PLSCR2: variants seen among roughly 807,000 people sequenced by gnomAD.
The protein encoded by PLSCR2 is PL scramblase 2.
In PLSCR2, 18 loss-of-function variants were observed where a neutral mutation model predicts 25.3. That is an observed-to-expected ratio of 0.71 (90% CI 0.49 to 1.06). PLSCR2 has a LOEUF of 1.06. Among genes scored for constraint, PLSCR2 ranks in the 50% least tolerant of loss-of-function variants. The pLI is 0.00. For missense variants in PLSCR2, 243 were observed against 269.5 expected (o/e 0.90, Z 0.69); for synonymous variants, 88 against 87.3 (o/e 1.01, Z -0.04).
chr3:146,462,168 A>T (rs2041618471), upstream of PLSCR2, among the ~76,000 whole-genome samples: 1 of 151,948 alleles, frequency 6.6e-6, no homozygotes, highest in African/African-American at 2.4e-5. Flanking sequence ...TTCATGGGAT[A>T]TTTCTCTTTA....
intron 1 of PLSCR2, chr3:146,494,508 T>C (rs1038406714): frequency 6.6e-6 from 1 of 152,182 alleles, no homozygotes; most frequent in Non-Finnish European, 1.5e-5. Context: ...TAAACATACA[T>C]GTCACCAGAC....
chr3:146,476,071 G>C (rs2042272131), intron 1 of PLSCR2, among the ~76,000 whole-genome samples: 1 of 152,046 alleles, frequency 6.6e-6, no homozygotes, highest in Non-Finnish European at 1.5e-5. Flanking sequence ...TCCCAAAACT[G>C]TTATATAGCG....
At chr3:146,431,907 T>TCAAGATCTA (rs1238326796), downstream of PLSCR2, among the ~76,000 whole-genome samples, 11 of 151,728 alleles carry the variant, frequency 7.2e-5, no homozygotes, top group Non-Finnish European at 1.6e-4. Flanking sequence ...CCTGTACACA[T>TCAAGATCTA]CAAGATCTAT....
chr3:146,405,442 C>T (rs891577151), intron 2 of PLSCR2, among the ~76,000 whole-genome samples: 7 of 152,116 alleles, frequency 4.6e-5, no homozygotes, highest in East Asian at 3.9e-4. Flanking sequence ...AGAGCCAAGA[C>T]GGAGTCTGTC....
chr3:146,447,200 G>T (rs1461955497), intron 6 of PLSCR2, among the ~76,000 whole-genome samples: 1 of 152,278 alleles, frequency 6.6e-6, no homozygotes, highest in African/African-American at 2.4e-5. Flanking sequence ...GGCCAAGCTG[G>T]TATACAAGCT....
chr3:146,408,518 T>C (rs1490883288), intron 2 of PLSCR2, among the ~76,000 whole-genome samples: 1 of 151,616 alleles, frequency 6.6e-6, no homozygotes, highest in Non-Finnish European at 1.5e-5. Context: ...CTTGTTTCTG[T>C]TTTTTTTAAG....
intron 2 of PLSCR2, among the ~76,000 whole-genome samples, chr3:146,402,099 A>ATT (rs2038492505): frequency 6.6e-6 from 1 of 152,004 alleles, no homozygotes; most frequent in East Asian, 1.9e-4. Flanking sequence ...AAAACTTAAA[A>ATT]AAGTTTTAGG....
intron 3 of PLSCR2, among the ~76,000 whole-genome samples, chr3:146,393,173 C>T (rs1005050231): frequency 8.3e-5 from 12 of 144,832 alleles, no homozygotes; most frequent in Admixed American, 1.4e-4. Context: ...GGACTACAGG[C>T]GCCCACCACC....
chr3:146,429,859 G>A (rs572145085), downstream of PLSCR2, among the ~76,000 whole-genome samples: 58 of 152,056 alleles, frequency 3.8e-4, no homozygotes, highest in African/African-American at 1.2e-3. Context: ...TCTCCTGACC[G>A]TGTGATCCGC....
intron 1 of PLSCR2, among the ~76,000 whole-genome samples, chr3:146,488,994 G>T (rs1373005041): frequency 2.6e-5 from 4 of 152,018 alleles, no homozygotes; most frequent in African/African-American, 9.7e-5. Flanking sequence ...GCCATAAAAA[G>T]GAATGAGATC....
At chr3:146,445,818 G>GGCAA (rs938785468) in intron 6 of PLSCR2, among the ~76,000 whole-genome samples, 9 of 152,020 alleles carry the variant, frequency 5.9e-5, no homozygotes, top group African/African-American at 2.2e-4. Context: ...GGATCTTGCA[G>GGCAA]GCAAGCTTCA....
downstream of PLSCR2, among the ~76,000 whole-genome samples, chr3:146,433,131 C>CTGT (rs2039614451): frequency 6.6e-6 from 1 of 152,066 alleles, no homozygotes. Context: ...TTTATGCAAT[C>CTGT]TGTTGTTCTG....
chr3:146,429,098 A>C (rs926937034), downstream of PLSCR2, among the ~76,000 whole-genome samples: 5 of 152,302 alleles, frequency 3.3e-5, no homozygotes, highest in African/African-American at 1.2e-4. Flanking sequence ...AGGCCGAGTA[A>C]TTTATAAAGA....
downstream of PLSCR2, among the ~76,000 whole-genome samples, chr3:146,440,497 G>A (rs532024103): frequency 1.7e-4 from 26 of 152,280 alleles, no homozygotes; most frequent in East Asian, 1.2e-3. Flanking sequence ...CCCCAGCCTC[G>A]CTGCCACCTT....
intron 2 of PLSCR2, among the ~76,000 whole-genome samples, chr3:146,418,006 A>G (rs1327130883): frequency 2.0e-5 from 3 of 151,990 alleles, no homozygotes; most frequent in African/African-American, 7.3e-5. Flanking sequence ...TTCTAGTTTT[A>G]CCTTCTGATC....
chr3:146,495,706 A>G (rs1225557050), intron 1 of PLSCR2, among the ~76,000 whole-genome samples: 1 of 152,214 alleles, frequency 6.6e-6, no homozygotes, highest in Admixed American at 6.5e-5. Context: ...TTCTGTTATT[A>G]TAAGTCACCC....
chr3:146,411,532 C>A (rs1383213162), intron 2 of PLSCR2, among the ~76,000 whole-genome samples: 1 of 152,232 alleles, frequency 6.6e-6, no homozygotes, highest in African/African-American at 2.4e-5. Flanking sequence ...TCCGAGCCAG[C>A]CGTCCTTCCG....
intron 6 of PLSCR2, 142 bp from the exon 7 acceptor site, chr3:146,441,963 T>C (rs1160013681): frequency 3.6e-6 from 2 of 555,046 alleles, no homozygotes; most frequent in Non-Finnish European, 6.3e-6. Flanking sequence ...GTGAGAAAAG[T>C]CTACAGGTAT....
chr3:146,483,446 C>CGTGTATAT (rs1207029796), intron 1 of PLSCR2, among the ~76,000 whole-genome samples: 1 of 41,470 alleles, frequency 2.4e-5, no homozygotes, highest in African/African-American at 1.1e-4. Context: ...TATATATACA[C>CGTGTATAT]ATGTATGTAT....
Sources: gnomAD v4.1 joint callset for allele counts (sites outside exome capture counted in the v4.1 genomes callset) on GRCh38, gnomAD v4.1.1 for gene constraint, MANE v1.5 for transcripts, NCBI Gene and HGNC (gene_info 2026-07-23, HGNC 2026-07-21) for gene names.